Variants in TMLHE observed in about 807,000 individuals in gnomAD.
TMLHE encodes trimethyllysine dioxygenase, mitochondrial.
TMLHE carries 18 observed loss-of-function variants against 25.7 expected under a neutral mutation model. That is an observed-to-expected ratio of 0.70 (90% CI 0.48 to 1.04). The LOEUF (loss-of-function observed/expected upper bound fraction) is 1.04. TMLHE is among the 50% of genes least tolerant of loss of function. TMLHE has a pLI of 0.00. For synonymous variants in TMLHE, 105 were observed against 97.0 expected (o/e 1.08, Z -0.49); for missense variants, 236 against 259.0 (o/e 0.91, Z 0.61).
At chrX:155,579,493 A>G (rs1298047523) in intron 1 of TMLHE, among the ~76,000 whole-genome samples, 2 of 112,086 alleles carry the variant, frequency 1.8e-5, no homozygotes, top group Non-Finnish European at 3.8e-5. Flanking sequence ...AAAAACACAC[A>G]ATGGGGAAAA....
chrX:155,547,439 A>C (rs1603047716), intron 1 of TMLHE, among the ~76,000 whole-genome samples: 1 of 112,142 alleles, frequency 8.9e-6, no homozygotes, highest in Non-Finnish European at 1.9e-5. Flanking sequence ...CACCACGACC[A>C]GCTATAATAG....
At chrX:155,547,232 C>T (rs1156934966) in intron 1 of TMLHE, among the ~76,000 whole-genome samples, 1 of 92,563 alleles carries the variant, frequency 1.1e-5, no homozygotes, top group Non-Finnish European at 2.2e-5. Flanking sequence ...GCAAGCTCCG[C>T]CTCCCGGGTT....
chrX:155,603,729 G>T (rs2067770933), intron 1 of TMLHE, among the ~76,000 whole-genome samples: 1 of 111,906 alleles, frequency 8.9e-6, no homozygotes, highest in Non-Finnish European at 1.9e-5. Flanking sequence ...TATGCAAAAA[G>T]ATTAATGAAG....
intron 1 of TMLHE, among the ~76,000 whole-genome samples, chrX:155,599,659 G>C (rs1318427967): frequency 8.9e-6 from 1 of 111,832 alleles, no homozygotes; most frequent in Non-Finnish European, 1.9e-5. Flanking sequence ...TTAACAGTAA[G>C]ATATAAAAGC....
intron 1 of TMLHE, among the ~76,000 whole-genome samples, chrX:155,599,000 T>G (rs376727326): frequency 9.9e-5 from 11 of 111,280 alleles, no homozygotes; most frequent in African/African-American, 3.6e-4. Context: ...GACAGTGAGG[T>G]CAACCCCTCC....
rs1317209252 is a variant in TMLHE at position 155,560,723 on chromosome X, A to T, written c.-1-15446T>A. Among the ~76,000 whole-genome samples the T allele has an allele frequency of 3.5e-5, 2 of 56,577 alleles. 1 individual carries two copies. Among genetic ancestry groups the T allele is most frequent in the Non-Finnish European group, 1.1e-4 (2 of 18,901 alleles). The allele number at this position is 56,577 out of a possible 115,157, so 49.1% of individuals were successfully genotyped here. A position where few individuals can be genotyped will look rare whatever the true frequency, so the allele number is the denominator to read the frequency against. On this transcript the variant is annotated intron_variant, in intron 1 of 7. Transcript: ENST00000334398. ...CATTGTAGCTGGAGCTCACTAAGCA[A>T]GAAGTAAAATAATAGATGAAGTGAG... is the stretch of plus-strand genomic sequence containing the variant.
chrX:155,599,498 G>A (rs1244336421), intron 1 of TMLHE, among the ~76,000 whole-genome samples: 1 of 111,549 alleles, frequency 9.0e-6, no homozygotes, highest in Non-Finnish European at 1.9e-5. Flanking sequence ...CAAATTAATA[G>A]GTGATAGAAG....
intron 1 of TMLHE, among the ~76,000 whole-genome samples, chrX:155,609,522 T>C (rs984846691): frequency 8.9e-6 from 1 of 111,812 alleles, no homozygotes; most frequent in Admixed American, 9.5e-5. Flanking sequence ...CCTGCCCCTA[T>C]ACCTCTGAAA....
intron 1 of TMLHE, among the ~76,000 whole-genome samples, chrX:155,585,166 T>C (rs1266592360): frequency 1.8e-5 from 2 of 111,633 alleles, no homozygotes; most frequent in South Asian, 3.7e-4. Context: ...CTTAAACATA[T>C]AGACTGGCTG....
chrX:155,589,891 C>A (rs978214285), intron 1 of TMLHE, among the ~76,000 whole-genome samples: 55 of 111,690 alleles, frequency 4.9e-4, no homozygotes, highest in African/African-American at 1.8e-3. Context: ...TACTCATATG[C>A]ACCCCAAAAA....
intron 1 of TMLHE, among the ~76,000 whole-genome samples, chrX:155,556,421 AAG>A (rs2067456082): frequency 2.7e-5 from 3 of 110,889 alleles, no homozygotes; most frequent in Admixed American, 1.9e-4. Flanking sequence ...CAGAGTACGA[AAG>A]AGAGAAATTT....
chrX:155,533,941 C>A (rs1230140490), intron 2 of TMLHE, among the ~76,000 whole-genome samples: 4 of 111,650 alleles, frequency 3.6e-5, no homozygotes, highest in Non-Finnish European at 7.5e-5. Context: ...TTAGAAAATT[C>A]TCAGCTTATC....
chrX:155,515,446 A>G (rs2067145975), intron 3 of TMLHE, among the ~76,000 whole-genome samples: 1 of 110,501 alleles, frequency 9.0e-6, no homozygotes, highest in Non-Finnish European at 1.9e-5. Context: ...ATCTTTAACC[A>G]TATTTCTATA....
intron 3 of TMLHE, among the ~76,000 whole-genome samples, chrX:155,514,666 G>C (rs1557334460): frequency 9.1e-6 from 1 of 110,378 alleles, no homozygotes; most frequent in African/African-American, 3.3e-5. Context: ...TGAGCTAGAA[G>C]GGGCTAATCT....
chrX:155,611,160 T>C (rs1426927935), intron 1 of TMLHE, among the ~76,000 whole-genome samples: 1 of 111,450 alleles, frequency 9.0e-6, no homozygotes, highest in African/African-American at 3.3e-5. Context: ...AGCCACTCCT[T>C]CCCTAGAACC....
chrX:155,548,507 G>A (rs993428162), intron 1 of TMLHE, among the ~76,000 whole-genome samples: 26 of 108,142 alleles, frequency 2.4e-4, no homozygotes, highest in East Asian at 8.7e-4. Flanking sequence ...AGGTCAAGGC[G>A]GGCGGATCAC....
intron 1 of TMLHE, among the ~76,000 whole-genome samples, chrX:155,584,227 A>G (rs2067650225): frequency 9.1e-6 from 1 of 110,269 alleles, no homozygotes; most frequent in African/African-American, 3.3e-5. Flanking sequence ...AATACATTTG[A>G]AAGTTACAAC....
chrX:155,575,359 A>G (rs1429660691), intron 1 of TMLHE, among the ~76,000 whole-genome samples: 1 of 112,450 alleles, frequency 8.9e-6, no homozygotes, highest in African/African-American at 3.2e-5. Context: ...TTGGAGGGAC[A>G]AAATTCAATG....
chrX:155,576,213 C>G (rs1206822106), intron 1 of TMLHE, among the ~76,000 whole-genome samples: 1 of 111,446 alleles, frequency 9.0e-6, no homozygotes, highest in African/African-American at 3.3e-5. Context: ...TATACACCAA[C>G]AACATCTAAG....
Sources: gnomAD v4.1 joint callset for allele counts (sites outside exome capture counted in the v4.1 genomes callset) on GRCh38, gnomAD v4.1.1 for gene constraint, MANE v1.5 for transcripts, NCBI Gene and HGNC (gene_info 2026-07-23, HGNC 2026-07-21) for gene names.